Variants in LPP observed in about 807,000 individuals in gnomAD.
LPP encodes lipoma-preferred partner.
LPP carries 38 observed loss-of-function variants against 60.4 expected under a neutral mutation model. The observed-to-expected ratio is 0.63, with a 90% CI of 0.49 to 0.83. The LOEUF (loss-of-function observed/expected upper bound fraction) is 0.83, where lower values mean the gene tolerates loss of function less well. Among genes scored for constraint, LPP ranks in the 40% least tolerant of loss-of-function variants. The probability of loss-of-function intolerance (pLI) is 0.00; values close to 1 mark genes in which losing one functional copy is unlikely to be tolerated. For missense variants in LPP, 902 were observed against 783.6 expected (o/e 1.15, Z -1.80); for synonymous variants, 328 against 290.8 (o/e 1.13, Z -1.30).
At chr3:188,337,518 A>G (rs1230905176) in intron 2 of LPP, among the ~76,000 whole-genome samples, 1 of 152,150 alleles carries the variant, frequency 6.6e-6, no homozygotes, top group African/African-American at 2.4e-5. Flanking sequence ...CAAGTGGGTG[A>G]TGGGTGGTAA....
At chr3:188,230,301 G>A (rs981413121) in intron 2 of LPP, among the ~76,000 whole-genome samples, 2 of 152,070 alleles carry the variant, frequency 1.3e-5, no homozygotes, top group Non-Finnish European at 1.5e-5. Context: ...GGCCAGAATG[G>A]TCTTGATCTC....
At chr3:188,650,562 G>T (rs1851886634) in intron 7 of LPP, among the ~76,000 whole-genome samples, 1 of 152,068 alleles carries the variant, frequency 6.6e-6, no homozygotes, top group Admixed American at 6.6e-5. Flanking sequence ...GTCCTTGTTG[G>T]TTGCATTCTA....
At chr3:188,424,522 T>C (rs897758437) in intron 4 of LPP, among the ~76,000 whole-genome samples, 1 of 152,198 alleles carries the variant, frequency 6.6e-6, no homozygotes, top group African/African-American at 2.4e-5. Context: ...GGGGATAGCA[T>C]TGAATCTGTA....
intron 9 of LPP, among the ~76,000 whole-genome samples, chr3:188,775,897 A>C (rs1158240200): frequency 6.6e-6 from 1 of 152,256 alleles, no homozygotes; most frequent in Non-Finnish European, 1.5e-5. Flanking sequence ...AGGGGAATTT[A>C]GGAAAGGGAG....
intron 4 of LPP, among the ~76,000 whole-genome samples, chr3:188,447,933 C>T (rs1795656087): frequency 6.6e-6 from 1 of 152,196 alleles, no homozygotes; most frequent in South Asian, 2.1e-4. Context: ...TACTGTTGTA[C>T]TGGGGGGCCA....
chr3:188,679,786 G>A (rs554428860), intron 7 of LPP, among the ~76,000 whole-genome samples: 1 of 151,826 alleles, frequency 6.6e-6, no homozygotes, highest in East Asian at 1.9e-4. Flanking sequence ...TTTTCTTATG[G>A]GGCTATTCTA....
chr3:188,817,413 G>A (rs1351914085), intron 9 of LPP, among the ~76,000 whole-genome samples: 1 of 152,154 alleles, frequency 6.6e-6, no homozygotes, highest in African/African-American at 2.4e-5. Context: ...ATCGATGGAA[G>A]ATCCATTTTC....
rs186581241 is a variant in LPP, at chr3:188,399,609, A to C, written c.-9-6503A>C. 5.9e-5 allele frequency among the ~76,000 whole-genome samples: 9 copies of C among 152,354 alleles called. No individual in the cohort carries two copies. The East Asian group carries it at 1.5e-3, about 26-fold the overall frequency. On this transcript the variant is annotated intron_variant, in intron 3 of 11. Coordinates refer to ENST00000617246, the MANE Select transcript of LPP (RefSeq NM_001375462.1). ...CTTGAGTTAGTTGCCAGGAAGATAT[A>C]GGGACTAATACAATGTCATTTAAAG...
chr3:188,622,404 A>G (rs1211733020), intron 7 of LPP, among the ~76,000 whole-genome samples: 3 of 152,230 alleles, frequency 2.0e-5, no homozygotes, highest in African/African-American at 7.2e-5. Context: ...AGCTGCTTAC[A>G]ACGTAATTCT....
At chr3:188,625,403 G>A (rs1846647972) in intron 7 of LPP, among the ~76,000 whole-genome samples, 1 of 152,040 alleles carries the variant, frequency 6.6e-6, no homozygotes, top group South Asian at 2.1e-4. Flanking sequence ...CACTGTCTTT[G>A]ATAAAATAAC....
chr3:188,790,633 C>T (rs1353601497), intron 9 of LPP, among the ~76,000 whole-genome samples: 1 of 151,966 alleles, frequency 6.6e-6, no homozygotes, highest in East Asian at 1.9e-4. Context: ...CTAGCCTGGC[C>T]AACATGGTGA....
chr3:188,487,110 G>A (rs1322056703), intron 5 of LPP, among the ~76,000 whole-genome samples: 1 of 152,164 alleles, frequency 6.6e-6, no homozygotes, highest in Non-Finnish European at 1.5e-5. Flanking sequence ...GAAGACTCGT[G>A]ATTGAAAACT....
chr3:188,318,919 C>T (rs891825705), intron 2 of LPP, among the ~76,000 whole-genome samples: 7 of 150,696 alleles, frequency 4.6e-5, no homozygotes, highest in African/African-American at 1.2e-4. Context: ...CCACTACGCC[C>T]GGCTAATTTT....
chr3:188,389,601 C>T (rs975800454), intron 3 of LPP, among the ~76,000 whole-genome samples: 26 of 152,018 alleles, frequency 1.7e-4, no homozygotes, highest in African/African-American at 4.8e-4. Context: ...TGTGGCGAAA[C>T]GCCATCTGTA....
intron 7 of LPP, among the ~76,000 whole-genome samples, chr3:188,629,996 C>T (rs1026994288): frequency 1.3e-5 from 2 of 151,966 alleles, no homozygotes; most frequent in Non-Finnish European, 2.9e-5. Context: ...AAACGTAAGA[C>T]CTAAATCTAT....
intron 4 of LPP, among the ~76,000 whole-genome samples, chr3:188,482,782 G>A (rs1805180689): frequency 6.6e-6 from 1 of 152,158 alleles, no homozygotes; most frequent in Non-Finnish European, 1.5e-5. Flanking sequence ...AGAATAAGAG[G>A]AGTAGAAATT....
chr3:188,282,831 C>T (rs781441604), intron 2 of LPP, among the ~76,000 whole-genome samples: 1 of 152,168 alleles, frequency 6.6e-6, no homozygotes, highest in Non-Finnish European at 1.5e-5. Context: ...TTTGTACTTT[C>T]AGAGATACTT....
chr3:188,470,319 C>CACACACACAT (rs138685539), intron 4 of LPP, among the ~76,000 whole-genome samples: 5,609 of 148,788 alleles, frequency 0.038, 174 homozygotes, highest in East Asian at 0.057. Context: ...CACACACACA[C>CACACACACAT]GCACACATAA....
At chr3:188,636,181 G>A (rs1398251753) in intron 7 of LPP, among the ~76,000 whole-genome samples, 14 of 152,218 alleles carry the variant, frequency 9.2e-5, no homozygotes, top group East Asian at 7.7e-4. Context: ...GACAGTGGGC[G>A]CAGGTCAGTG....
Sources: gnomAD v4.1 joint callset for allele counts (sites outside exome capture counted in the v4.1 genomes callset) on GRCh38, gnomAD v4.1.1 for gene constraint, MANE v1.5 for transcripts, NCBI Gene and HGNC (gene_info 2026-07-23, HGNC 2026-07-21) for gene names.